The following ANK3 variants were observed in gnomAD, a reference collection of about 807,000 sequenced individuals.
The protein encoded by ANK3 is ankyrin-3.
Under a neutral mutation model 370.9 loss-of-function variants are expected in ANK3, and 57 were observed. The observed-to-expected ratio is 0.15, with a 90% CI of 0.12 to 0.19. The LOEUF (loss-of-function observed/expected upper bound fraction) is 0.19. Among genes scored for constraint, ANK3 ranks in the 10% least tolerant of loss-of-function variants. The pLI, the probability that ANK3 is intolerant of heterozygous loss-of-function variation, is 1.00. For missense variants in ANK3, 4,439 were observed against 5,302.1 expected (o/e 0.84, Z 5.06); for synonymous variants, 1,929 against 1,946.3 (o/e 0.99, Z 0.23).
chr10:60,226,490 C>CATATACTATAGTATATATACCATAGTAT (rs1565819646), intron 8 of ANK3, among the ~76,000 whole-genome samples: 2 of 63,412 alleles, frequency 3.2e-5, no homozygotes, highest in Non-Finnish European at 5.1e-5. Context: ...TATATATATA[C>CATATACTATAGTATATATACCATAGTAT]ATATACTATA....
intron 1 of ANK3, among the ~76,000 whole-genome samples, chr10:60,293,104 G>T (rs1411885621): frequency 6.6e-6 from 1 of 152,110 alleles, no homozygotes; most frequent in African/African-American, 2.4e-5. Flanking sequence ...TGAACATGTC[G>T]TTAAGAAATT....
At chr10:60,646,811 T>C (rs980777797) in intron 1 of ANK3, among the ~76,000 whole-genome samples, 7 of 152,188 alleles carry the variant, frequency 4.6e-5, no homozygotes, top group Admixed American at 6.5e-5. Context: ...GAGACCCCAG[T>C]GTAGAAGTTG....
intron 8 of ANK3, among the ~76,000 whole-genome samples, chr10:60,221,678 C>G (rs749925142): frequency 6.6e-6 from 1 of 152,170 alleles, no homozygotes; most frequent in Non-Finnish European, 1.5e-5. Context: ...ATTACTCATT[C>G]AAGGCTGCAC....
At chr10:60,361,175 G>A (rs887152952) in intron 1 of ANK3, among the ~76,000 whole-genome samples, 4 of 152,002 alleles carry the variant, frequency 2.6e-5, no homozygotes, top group Non-Finnish European at 5.9e-5. Context: ...TTTCTTTCTC[G>A]ACTAAGGAAG....
chr10:60,434,118 A>G (rs958174731), intron 2 of ANK3, among the ~76,000 whole-genome samples: 5 of 152,258 alleles, frequency 3.3e-5, no homozygotes, highest in Admixed American at 3.3e-4. Context: ...GAAGTCCTTG[A>G]TTAAACATTC....
intron 7 of ANK3, among the ~76,000 whole-genome samples, chr10:60,245,289 T>A (rs918336144): frequency 3.3e-5 from 5 of 152,242 alleles, no homozygotes; most frequent in African/African-American, 9.6e-5. Flanking sequence ...TTTCTGTAAG[T>A]TTTTATTATC....
chr10:60,512,830 C>T (rs919134706), intron 2 of ANK3, among the ~76,000 whole-genome samples: 10 of 152,070 alleles, frequency 6.6e-5, no homozygotes, highest in Admixed American at 1.3e-4. Flanking sequence ...GCTGCAGGAA[C>T]GGTTAGAATA....
chr10:60,073,278 G>C lies in ANK3; in HGVS notation c.7603C>G (p.His2535Asp). ...NGVGKVSKDE[H>D]FDKVTVLHYS... ...TGCAACACTGTCACTTTATCAAAAT[G>C]CTCATCTTTAGACACTTTACCTACA... is the stretch of plus-strand genomic sequence containing the variant. The change falls in exon 37 of 44, where the codon CAT becomes GAT. Residue 2535 changes from histidine to aspartate, a missense_variant. This residue lies in a region of ANK3 where 1,601 missense variants were observed against 1,731.7 expected (regional missense o/e 0.92). Transcript: ENST00000280772. 3.1e-6 allele frequency: 5 copies of C among 1,614,038 alleles called. No individual in the cohort carries two copies. The highest frequency in any genetic ancestry group is 1.1e-5 in the South Asian group (1 of 91,064).
chr10:60,406,512 A>G (rs1291931916), intron 2 of ANK3, among the ~76,000 whole-genome samples: 1 of 152,190 alleles, frequency 6.6e-6, no homozygotes, highest in Non-Finnish European at 1.5e-5. Flanking sequence ...ACTTCACAAT[A>G]GGGTTTGTGC....
intron 1 of ANK3, among the ~76,000 whole-genome samples, chr10:60,694,242 G>T (rs2079406432): frequency 1.3e-5 from 2 of 152,174 alleles, no homozygotes; most frequent in African/African-American, 2.4e-5. Flanking sequence ...AGAAATATGG[G>T]ACTATGTGAA....
At chr10:60,522,294 G>A (rs1445271981) in intron 2 of ANK3, among the ~76,000 whole-genome samples, 1 of 151,592 alleles carries the variant, frequency 6.6e-6, no homozygotes, top group African/African-American at 2.4e-5. Flanking sequence ...TGCTGACACA[G>A]GATGACATAA....
intron 2 of ANK3, among the ~76,000 whole-genome samples, chr10:60,610,472 C>T (rs924507593): frequency 6.6e-6 from 1 of 150,934 alleles, no homozygotes; most frequent in African/African-American, 2.4e-5. Context: ...GAGATTGTGC[C>T]ATTGCACTAC....
At chr10:60,722,464 T>TA (rs201966824) in intron 1 of ANK3, among the ~76,000 whole-genome samples, 5 of 149,836 alleles carry the variant, frequency 3.3e-5, no homozygotes, top group African/African-American at 4.9e-5. Flanking sequence ...AATTAAAAAT[T>TA]AAAAAAAAAA....
At chr10:60,394,567 G>A (rs914005670), upstream of ANK3, among the ~76,000 whole-genome samples, 19 of 152,290 alleles carry the variant, frequency 1.2e-4, no homozygotes, top group African/African-American at 4.6e-4. Context: ...TGGGCAGACA[G>A]GAACAGGCAC....
chr10:60,134,385 A>G lies in ANK3; in HGVS notation c.2739-12T>C. On this transcript the variant is annotated splice_polypyrimidine_tract_variant and intron_variant, in intron 24 of 43. Transcript: ENST00000280772. ...TGAAGGAGCGGAGGCTGTTGTATTT[A>G]CAGTTAACCATTCAACAGTGGTAGA... 2.5e-6 allele frequency: 4 copies of G among 1,601,300 alleles called. No homozygotes were observed. The highest frequency in any genetic ancestry group is 2.6e-6 in the Non-Finnish European group (3 of 1,173,012).
chr10:60,113,219 T>C (rs1408022287), intron 26 of ANK3, among the ~76,000 whole-genome samples: 1 of 152,106 alleles, frequency 6.6e-6, no homozygotes, highest in East Asian at 1.9e-4. Context: ...ATATCTTTAT[T>C]CTTTTTATTC....
intron 2 of ANK3, among the ~76,000 whole-genome samples, chr10:60,482,639 A>G (rs2075254719): frequency 6.6e-6 from 1 of 152,022 alleles, no homozygotes; most frequent in African/African-American, 2.4e-5. Context: ...GGTGCATGCC[A>G]CCATGTCTGG....
chr10:60,628,220 T>C (rs980397581), intron 1 of ANK3, among the ~76,000 whole-genome samples: 2 of 152,136 alleles, frequency 1.3e-5, no homozygotes, highest in Admixed American at 1.3e-4. Flanking sequence ...TCAGATGCCA[T>C]TTATAGGTGA....
intron 16 of ANK3, among the ~76,000 whole-genome samples, chr10:60,193,358 T>G (rs1327537439): frequency 6.6e-6 from 1 of 152,184 alleles, no homozygotes; most frequent in Non-Finnish European, 1.5e-5. Flanking sequence ...TATTGCCCTG[T>G]TTAAGAGTTA....
Sources: gnomAD v4.1 joint callset for allele counts (sites outside exome capture counted in the v4.1 genomes callset) on GRCh38, gnomAD v4.1.1 for gene constraint, gnomAD v4.1.1 regional missense constraint, MANE v1.5 for transcripts, NCBI Gene and HGNC (gene_info 2026-07-23, HGNC 2026-07-21) for gene names.